The following MPDZ variants were observed in gnomAD, a reference collection of about 807,000 sequenced individuals.
MPDZ encodes the protein multiple PDZ domain crumbs cell polarity complex component, also known as multiple PDZ domain protein.
A neutral mutation model predicts 239.1 loss-of-function variants in MPDZ; 234 were observed. That is an observed-to-expected ratio of 0.98 (90% CI 0.88 to 1.09). The LOEUF (loss-of-function observed/expected upper bound fraction) is 1.09. Among genes scored for constraint, MPDZ ranks in the 50% least tolerant of loss-of-function variants. The pLI, the probability that MPDZ is intolerant of heterozygous loss-of-function variation, is 0.00. For missense variants in MPDZ, 3,175 were observed against 2,510.0 expected (o/e 1.26, Z -5.66); for synonymous variants, 1,048 against 881.3 (o/e 1.19, Z -3.35).
intron 38 of MPDZ, 118 bp from the exon 39 acceptor site, chr9:13,119,767 T>G: frequency 8.2e-7 from 1 of 1,214,304 alleles, no homozygotes; most frequent in Non-Finnish European, 1.2e-6. Flanking sequence ...TTTAAAAGTT[T>G]TGTTATTTGG....
chr9:13,113,030 C>A lies in MPDZ; in HGVS notation c.5582G>T (p.Arg1861Ile). 6.3e-7 allele frequency: 1 copy of A among 1,585,964 alleles called. No individual in the cohort carries two copies. The highest frequency in any genetic ancestry group is 8.6e-7 in the Non-Finnish European group (1 of 1,163,952). Residue 1861 changes from arginine (R) to isoleucine (I), a missense_variant, in exon 42 of 47, where the codon AGA becomes ATA. Arg to Ile is a moderately conservative substitution (Grantham distance 97). Coordinates refer to ENST00000319217, the MANE Select transcript of MPDZ (RefSeq NM_001378778.1). The part of the protein sequence containing the change: ...NALASEIQGL[R>I]TVEMKKGPTD... The stretch of plus-strand genomic sequence containing the variant: ...AGTTACCTTTTTCATTTCGACTGTT[C>A]TTAATCCCTGTATTTCAGATGCCAC...
chr9:13,274,641 T>C (rs2139442803), intron 1 of MPDZ: 1 of 152,064 alleles, frequency 6.6e-6, no homozygotes. Context: ...AAAGTTTTTA[T>C]TTTATGTAAC....
chr9:13,122,164 T>C lies in MPDZ; in HGVS notation c.4960A>G (p.Ile1654Val). ...VGGSDTLLGA[I>V]IIHEVYEEGA... ...TCTTCATAAACTTCATGGATAATAA[T>C]GGCACCCTAAGGGCCCAAACAAAAC... is the stretch of plus-strand genomic sequence containing the variant. Residue 1654 changes from isoleucine (I) to valine (V), a missense_variant, in exon 37 of 47, where the codon ATT (isoleucine) becomes GTT (valine). Ile to Val is a conservative substitution (Grantham distance 29). Transcript: ENST00000319217. The C allele has an allele frequency of 6.2e-7, 1 of 1,613,922 alleles. No homozygotes were observed. The highest frequency in any genetic ancestry group is 8.5e-7 in the Non-Finnish European group (1 of 1,179,860).
chr9:13,260,756 C>T (rs1970504761), intron 1 of MPDZ, among the ~76,000 whole-genome samples: 1 of 152,180 alleles, frequency 6.6e-6, no homozygotes, highest in African/African-American at 2.4e-5. Flanking sequence ...AGGTAGCCAC[C>T]TGCGAGCCAC....
intron 1 of MPDZ, among the ~76,000 whole-genome samples, chr9:13,251,268 A>G: frequency 6.6e-6 from 1 of 152,146 alleles, no homozygotes; most frequent in Admixed American, 6.5e-5. Flanking sequence ...ACAGTGTTAA[A>G]TTTTTCAAAA....
chr9:13,150,353 G>C (rs1948994814), intron 25 of MPDZ, among the ~76,000 whole-genome samples, 158 bp downstream of exon 25: 2 of 151,906 alleles, frequency 1.3e-5, no homozygotes, highest in South Asian at 2.1e-4. Context: ...TGAGTAACTA[G>C]TATGAAGATG....
intron 12 of MPDZ, among the ~76,000 whole-genome samples, chr9:13,198,646 T>TA (rs1324583497): frequency 2.0e-5 from 3 of 151,708 alleles, no homozygotes; most frequent in Admixed American, 6.6e-5. Context: ...TGAAATTACA[T>TA]AAAAAATCTT....
At chr9:13,232,895 C>A in intron 3 of MPDZ, among the ~76,000 whole-genome samples, 1 of 148,330 alleles carries the variant, frequency 6.7e-6, no homozygotes. Flanking sequence ...AGGAACTTCC[C>A]AAAAGAAGAT....
intron 3 of MPDZ, among the ~76,000 whole-genome samples, chr9:13,229,368 A>T (rs1276326035): frequency 6.6e-6 from 1 of 152,112 alleles, no homozygotes; most frequent in Admixed American, 6.6e-5. Context: ...CTAGAATGGC[A>T]TATCATAGCA....
In MPDZ at chr9:13,192,117, T is replaced by C. The variant is rs747442063; in HGVS notation, c.1968+14A>G. On this transcript the variant is annotated intron_variant, in intron 15 of 46. Coordinates refer to ENST00000319217, the MANE Select transcript of MPDZ (RefSeq NM_001378778.1). ...TATATATGTAGGTTAGCCTCATGTATGCAAATCTGATACCTTTTCTGTTAG... is the reference window on the plus strand; with the variant it reads ...TATATATGTAGGTTAGCCTCATGTACGCAAATCTGATACCTTTTCTGTTAG... The C allele has an allele frequency of 5.7e-6, 9 of 1,581,218 alleles. No homozygotes were observed. The highest frequency in any genetic ancestry group is 7.7e-6 in the Non-Finnish European group (9 of 1,162,584).
rs769349252 is a variant in MPDZ, at chr9:13,115,212, G to A, written c.5466+36C>T. ...CATCTATGTGTCCTCTTGGCATGCC[G>A]ATTGCATCGCCCTGATGAACTCCAC... On this transcript the variant is annotated intron_variant, in intron 40 of 46. Transcript: ENST00000319217. 13 of 1,567,722 alleles carry A rather than the reference G, an allele frequency of 8.3e-6. No individual in the cohort carries two copies. In the Admixed American group the frequency reaches 8.4e-5, roughly 10 times the overall value.
At chr9:13,248,533 C>A (rs536923663) in intron 2 of MPDZ, among the ~76,000 whole-genome samples, 1 of 152,006 alleles carries the variant, frequency 6.6e-6, no homozygotes, top group Non-Finnish European at 1.5e-5. Flanking sequence ...TTCCCTGAAA[C>A]ACAAACATAT....
At chr9:13,265,528 C>G (rs1971592620) in intron 1 of MPDZ, among the ~76,000 whole-genome samples, 2 of 152,294 alleles carry the variant, frequency 1.3e-5, no homozygotes, top group Non-Finnish European at 2.9e-5. Context: ...GAGATTGCAC[C>G]ATTGCACTCC....
intron 24 of MPDZ, among the ~76,000 whole-genome samples, chr9:13,154,732 A>G (rs1361243200): frequency 2.6e-5 from 4 of 152,150 alleles, no homozygotes; most frequent in African/African-American, 7.2e-5. Context: ...CTGAAACTCA[A>G]TCCATACAAC....
rs60443865 is a variant in MPDZ, at chr9:13,257,726, T to C, written c.-57-7354A>G. ...TGCATTACTTTTGTGTTTATCAAAT[T>C]TTATACCTTAATAGAGGGTTGCCAG... On this transcript the variant is annotated intron_variant, in intron 1 of 46. Coordinates refer to ENST00000319217, the MANE Select transcript of MPDZ (RefSeq NM_001378778.1). Among the ~76,000 whole-genome samples the C allele has an allele frequency of 2.1e-3, 321 of 152,294 alleles. 3 individuals carry two copies. Among genetic ancestry groups the C allele is most frequent in the African/African-American group, 6.2e-3 (259 of 41,562 alleles).
chr9:13,201,988 G>A (rs1367423422), intron 12 of MPDZ, among the ~76,000 whole-genome samples: 1 of 151,994 alleles, frequency 6.6e-6, no homozygotes, highest in Non-Finnish European at 1.5e-5. Flanking sequence ...AGGTTTGTTG[G>A]TTTCTTTTGG....
intron 8 of MPDZ, among the ~76,000 whole-genome samples, chr9:13,218,098 G>A (rs1011333613): frequency 6.6e-6 from 1 of 151,850 alleles, no homozygotes; most frequent in Non-Finnish European, 1.5e-5. Context: ...GGACAGTCAG[G>A]TTGGGGCTAG....
intron 13 of MPDZ, 147 bp from the exon 14 acceptor site, chr9:13,193,460 G>C: frequency 2.2e-6 from 2 of 897,376 alleles, no homozygotes; most frequent in South Asian, 2.6e-5. Flanking sequence ...CAAAGCTTTG[G>C]GGCTTTTCCT....
intron 32 of MPDZ, among the ~76,000 whole-genome samples, chr9:13,131,136 A>G (rs1027398500): frequency 3.9e-5 from 6 of 152,196 alleles, no homozygotes; most frequent in Admixed American, 6.5e-5. Flanking sequence ...CAGCTGATTC[A>G]TGAGTGTTAA....
Sources: allele counts gnomAD v4.1 joint callset (sites outside exome capture counted in the v4.1 genomes callset), GRCh38; gene constraint gnomAD v4.1.1; transcripts MANE v1.5; gene names NCBI Gene and HGNC (gene_info 2026-07-23, HGNC 2026-07-21).